Variants in TPH2 observed in about 807,000 individuals in gnomAD.
The protein encoded by TPH2 is tryptophan 5-hydroxylase 2.
TPH2 carries 27 observed loss-of-function variants against 59.1 expected under a neutral mutation model. That is an observed-to-expected ratio of 0.46 (90% CI 0.34 to 0.63). TPH2 has a LOEUF of 0.63. Ranked by LOEUF, TPH2 falls within the 30% of genes least tolerant of loss-of-function variation. The probability of loss-of-function intolerance (pLI) is 0.01; values close to 1 mark genes in which losing one functional copy is unlikely to be tolerated. For missense variants in TPH2, 523 were observed against 588.3 expected, an observed-to-expected ratio of 0.89 and a Z score of 1.15; for synonymous variants, 220 against 210.5, an observed-to-expected ratio of 1.05 and a Z score of -0.39.
chr12:71,978,851 C>A, intron 6 of TPH2, 101 bp from the exon 7 acceptor site: 1 of 1,481,682 alleles, frequency 6.7e-7, no homozygotes, highest in Non-Finnish European at 9.4e-7. Flanking sequence ...ACCTTGATTA[C>A]TTTGTTTCTG....
At chr12:71,971,325 A>G (rs1871968612) in intron 5 of TPH2, among the ~76,000 whole-genome samples, 1 of 152,214 alleles carries the variant, frequency 6.6e-6, no homozygotes, top group Non-Finnish European at 1.5e-5. Flanking sequence ...TGCTAATTGC[A>G]GAGGCAGAAT....
intron 5 of TPH2, among the ~76,000 whole-genome samples, chr12:71,952,987 G>A (rs562725511): frequency 2.6e-4 from 39 of 152,188 alleles, no homozygotes; most frequent in Middle Eastern, 6.8e-3. Flanking sequence ...TGTTAATACC[G>A]TTGTTTATAT....
In TPH2 at chr12:72,031,677, C is replaced by T. The variant is rs1566177588; in HGVS notation, c.1455C>T (p.Asn485=). Reference sequence around the variant, plus strand: ...TGTGTGATGCTTTAAACAAAATGAACCAATATCTGGGGATTTGATGCCTGG... The same window carrying T: ...TGTGTGATGCTTTAAACAAAATGAATCAATATCTGGGGATTTGATGCCTGG... The part of the protein sequence containing the change: ...NTVCDALNKM[N]QYLGI The change falls in exon 11 of 11, where the codon AAC becomes AAT. Residue 485 remains asparagine (N), a synonymous_variant. Coordinates refer to ENST00000333850, the MANE Select transcript of TPH2 (RefSeq NM_173353.4). The T allele has an allele frequency of 1.2e-6, 2 of 1,613,300 alleles. No homozygotes were observed. The highest frequency in any genetic ancestry group is 1.7e-6 in the Non-Finnish European group (2 of 1,179,442).
rs545529133 is a variant in TPH2 at position 71,959,846 on chromosome 12, A to G, written c.608+10191A>G. On this transcript the variant is annotated intron_variant, in intron 5 of 10. Coordinates refer to ENST00000333850, the MANE Select transcript of TPH2 (RefSeq NM_173353.4). ...CTTTTTAATGATGTTTTCCTCATCA[A>G]TTTCATTGGCAGGTGGTCACCTTGA... Among the ~76,000 whole-genome samples the G allele has an allele frequency of 5.9e-5, 9 of 152,246 alleles. No homozygotes were observed. In the East Asian group the frequency reaches 1.5e-3, roughly 26 times the overall value.
chr12:71,995,437 C>T (rs1432905687), intron 8 of TPH2, among the ~76,000 whole-genome samples: 1 of 152,126 alleles, frequency 6.6e-6, no homozygotes, highest in African/African-American at 2.4e-5. Context: ...CACAGGTACA[C>T]CACAGTGGCA....
At chr12:71,995,127 A>C (rs1430726301) in intron 8 of TPH2, among the ~76,000 whole-genome samples, 1 of 152,218 alleles carries the variant, frequency 6.6e-6, no homozygotes, top group Non-Finnish European at 1.5e-5. Context: ...GAGGCTCAAC[A>C]ATTATTCTAA....
intron 4 of TPH2, among the ~76,000 whole-genome samples, chr12:71,944,919 A>G (rs544028607): frequency 1.4e-4 from 22 of 152,326 alleles, no homozygotes; most frequent in South Asian, 4.1e-4. Flanking sequence ...GGTTGGATAG[A>G]GGAGGAGACG....
intron 5 of TPH2, chr12:71,962,577 C>A (rs1871716384): frequency 1.8e-5 from 18 of 985,178 alleles, no homozygotes; most frequent in Non-Finnish European, 2.2e-5. Context: ...TTGCTTTTTG[C>A]ATAGTAATTG....
intron 8 of TPH2, among the ~76,000 whole-genome samples, chr12:72,007,141 T>G: frequency 6.6e-6 from 1 of 152,062 alleles, no homozygotes; most frequent in East Asian, 1.9e-4. Flanking sequence ...CATGCTACTT[T>G]GCAATGTAAA....
intron 5 of TPH2, among the ~76,000 whole-genome samples, chr12:71,954,312 G>C (rs1281919722): frequency 6.6e-6 from 1 of 152,104 alleles, no homozygotes; most frequent in Non-Finnish European, 1.5e-5. Flanking sequence ...AGGCCTAATT[G>C]CCTCACCAAT....
At chr12:72,007,214 A>T (rs1245304054) in intron 8 of TPH2, among the ~76,000 whole-genome samples, 1 of 152,032 alleles carries the variant, frequency 6.6e-6, no homozygotes, top group Admixed American at 6.6e-5. Flanking sequence ...TTCTCCTTGG[A>T]GATGGAGGAG....
intron 5 of TPH2, among the ~76,000 whole-genome samples, chr12:71,966,073 G>A (rs1304115774): frequency 1.3e-5 from 2 of 152,080 alleles, no homozygotes; most frequent in Non-Finnish European, 2.9e-5. Context: ...ATATTCTTAG[G>A]TGCTTTCTTG....
At chr12:72,019,088 G>T (rs1194546862) in intron 8 of TPH2, among the ~76,000 whole-genome samples, 1 of 152,136 alleles carries the variant, frequency 6.6e-6, no homozygotes, top group Non-Finnish European at 1.5e-5. Context: ...ATTTTTTAGA[G>T]GATATACTTG....
intron 4 of TPH2, among the ~76,000 whole-genome samples, chr12:71,946,547 A>G (rs760074857): frequency 6.6e-5 from 10 of 152,202 alleles, no homozygotes; most frequent in Non-Finnish European, 1.3e-4. Flanking sequence ...GCAAGCACTT[A>G]GCAATCCCCT....
At chr12:71,944,528 C>T (rs780908569) in intron 3 of TPH2, 51 bp downstream of exon 3, 49 of 1,613,404 alleles carry the variant, frequency 3.0e-5, no homozygotes, top group Non-Finnish European at 4.0e-5. Flanking sequence ...ACAAATATTG[C>T]AAAGGGGAAA....
At chr12:71,941,529 G>T (rs950249100) in intron 1 of TPH2, 55 bp from the exon 2 acceptor site, 45 of 1,578,876 alleles carry the variant, frequency 2.9e-5, no homozygotes, top group Non-Finnish European at 3.9e-5. Flanking sequence ...TAATTACGGA[G>T]GATTCTGGAA....
chr12:71,946,137 T>C (rs1240036925), intron 4 of TPH2, among the ~76,000 whole-genome samples: 3 of 152,122 alleles, frequency 2.0e-5, no homozygotes, highest in Non-Finnish European at 4.4e-5. Context: ...AAGTTCTTTA[T>C]GTAAAAAGTG....
intron 6 of TPH2, among the ~76,000 whole-genome samples, chr12:71,973,704 C>T (rs775161688): frequency 2.0e-5 from 3 of 152,204 alleles, no homozygotes; most frequent in Non-Finnish European, 4.4e-5. Context: ...CGGACTCACT[C>T]ACTTTGAATT....
At chr12:71,970,770 G>A (rs748294422) in intron 5 of TPH2, among the ~76,000 whole-genome samples, 8 of 152,170 alleles carry the variant, frequency 5.3e-5, no homozygotes, top group African/African-American at 9.7e-5. Context: ...GCAAATATTT[G>A]CCAGGTTGTA....
Sources: gnomAD v4.1 joint callset for allele counts (sites outside exome capture counted in the v4.1 genomes callset) on GRCh38, gnomAD v4.1.1 for gene constraint, MANE v1.5 for transcripts, NCBI Gene and HGNC (gene_info 2026-07-23, HGNC 2026-07-21) for gene names.